CDH12: variants seen among roughly 807,000 people sequenced by gnomAD.
CDH12 encodes the protein cadherin-12.
CDH12 carries 41 observed loss-of-function variants against 74.1 expected under a neutral mutation model. The observed-to-expected ratio is 0.55, with a 90% confidence interval of 0.43 to 0.72. The LOEUF (loss-of-function observed/expected upper bound fraction) is 0.72. Ranked by LOEUF, CDH12 falls within the 30% of genes least tolerant of loss-of-function variation. CDH12 has a pLI of 0.00. For missense variants in CDH12, 945 were observed against 977.2 expected (o/e 0.97, Z 0.44); for synonymous variants, 399 against 355.0 (o/e 1.12, Z -1.39).
At chr5:22,461,765 A>G (rs908326631) in intron 2 of CDH12, among the ~76,000 whole-genome samples, 1 of 149,322 alleles carries the variant, frequency 6.7e-6, no homozygotes, top group Non-Finnish European at 1.5e-5. Flanking sequence ...ATTTACTTCA[A>G]TTGTGGTCTC....
intron 14 of CDH12, among the ~76,000 whole-genome samples, chr5:21,752,450 T>A (rs1187746786): frequency 6.6e-6 from 1 of 152,140 alleles, no homozygotes; most frequent in Admixed American, 6.5e-5. Flanking sequence ...ATTCACAAAA[T>A]GAAACAAGTA....
At chr5:21,873,484 T>C (rs867603251) in intron 6 of CDH12, among the ~76,000 whole-genome samples, 2 of 152,130 alleles carry the variant, frequency 1.3e-5, no homozygotes, top group African/African-American at 2.4e-5. Flanking sequence ...ATTGACAAGA[T>C]TGTCACAGAC....
At chr5:22,594,121 C>T (rs1736479324) in intron 1 of CDH12, among the ~76,000 whole-genome samples, 1 of 152,148 alleles carries the variant, frequency 6.6e-6, no homozygotes, top group African/African-American at 2.4e-5. Context: ...GCTTGACAAG[C>T]TAAATAACAG....
chr5:22,255,978 G>T (rs542429309), intron 3 of CDH12, among the ~76,000 whole-genome samples: 1 of 151,986 alleles, frequency 6.6e-6, no homozygotes, highest in South Asian at 2.1e-4. Context: ...AGTATACTAG[G>T]CACTGTGTAA....
chr5:21,759,910 C>T (rs1156833057), intron 13 of CDH12, among the ~76,000 whole-genome samples: 1 of 152,066 alleles, frequency 6.6e-6, no homozygotes, highest in Non-Finnish European at 1.5e-5. Context: ...TCATTGAGCT[C>T]CCACTTATAA....
intron 1 of CDH12, among the ~76,000 whole-genome samples, chr5:22,556,058 A>T (rs550716814): frequency 1.5e-4 from 15 of 102,298 alleles, no homozygotes; most frequent in Admixed American, 6.1e-4. Flanking sequence ...CTGAGAATTT[A>T]AAAAAAAAAA....
chr5:22,230,266 A>G (rs1752335564), intron 3 of CDH12, among the ~76,000 whole-genome samples: 1 of 152,094 alleles, frequency 6.6e-6, no homozygotes, highest in South Asian at 2.1e-4. Flanking sequence ...ATTACTGACA[A>G]GCTGGGAAAG....
At chr5:22,364,292 A>G (rs1740941473) in intron 3 of CDH12, among the ~76,000 whole-genome samples, 1 of 129,990 alleles carries the variant, frequency 7.7e-6, no homozygotes, top group African/African-American at 2.5e-5. Context: ...AATAGGAGCG[A>G]TGGGAAGAAA....
intron 2 of CDH12, among the ~76,000 whole-genome samples, chr5:22,478,121 T>G (rs1411349948): frequency 6.6e-6 from 1 of 152,092 alleles, no homozygotes; most frequent in Non-Finnish European, 1.5e-5. Flanking sequence ...TTAATTTTTT[T>G]GAATATTGAA....
chr5:21,896,761 C>T (rs1359438704), intron 6 of CDH12, among the ~76,000 whole-genome samples: 1 of 152,206 alleles, frequency 6.6e-6, no homozygotes, highest in African/African-American at 2.4e-5. Context: ...ACACTGCCCG[C>T]TTCCCAGATA....
chr5:22,680,212 C>T (rs773894388), intron 1 of CDH12, among the ~76,000 whole-genome samples: 17 of 152,028 alleles, frequency 1.1e-4, no homozygotes, highest in Admixed American at 3.3e-4. Flanking sequence ...ACTGTATGGC[C>T]TTGGTAAACA....
intron 2 of CDH12, among the ~76,000 whole-genome samples, chr5:22,499,259 C>G: frequency 6.6e-6 from 1 of 152,046 alleles, no homozygotes; most frequent in East Asian, 1.9e-4. Flanking sequence ...TTAGCAGATT[C>G]TGAAATATCC....
At chr5:22,127,515 A>T (rs1380359440) in intron 4 of CDH12, among the ~76,000 whole-genome samples, 1 of 151,178 alleles carries the variant, frequency 6.6e-6, no homozygotes, top group East Asian at 1.9e-4. Context: ...GGTGAAAAGA[A>T]GTAATTAAAT....
intron 4 of CDH12, among the ~76,000 whole-genome samples, chr5:22,099,991 T>A (rs542633850): frequency 6.6e-5 from 10 of 152,300 alleles, no homozygotes; most frequent in African/African-American, 2.4e-4. Flanking sequence ...TCTCCCACTC[T>A]AGGTTCCCAC....
chr5:21,803,692 T>C (rs1256846255), intron 9 of CDH12, among the ~76,000 whole-genome samples: 2 of 152,170 alleles, frequency 1.3e-5, no homozygotes, highest in African/African-American at 4.8e-5. Context: ...GAATTTAACA[T>C]TAACATGGTG....
intron 3 of CDH12, among the ~76,000 whole-genome samples, chr5:22,332,306 C>A (rs914008178): frequency 1.3e-5 from 2 of 152,108 alleles, no homozygotes; most frequent in Admixed American, 1.3e-4. Flanking sequence ...TACACCTAGG[C>A]AGCAGACTTT....
chr5:22,808,005 A>AT (rs1278891743), intron 1 of CDH12, among the ~76,000 whole-genome samples: 1 of 152,212 alleles, frequency 6.6e-6, no homozygotes, highest in East Asian at 1.9e-4. Flanking sequence ...GGATTATAGG[A>AT]TTTTTCAGCT....
chr5:21,938,560 C>T (rs930970655), intron 6 of CDH12, among the ~76,000 whole-genome samples: 23 of 149,142 alleles, frequency 1.5e-4, no homozygotes, highest in African/African-American at 5.7e-4. Flanking sequence ...CACAGAGAGA[C>T]AAGAATCAAA....
At chr5:21,808,026 C>T (rs896984386) in intron 9 of CDH12, among the ~76,000 whole-genome samples, 2 of 152,040 alleles carry the variant, frequency 1.3e-5, no homozygotes, top group Admixed American at 6.6e-5. Flanking sequence ...TGGCAAGTGG[C>T]AAGTGCTCAA....
Sources: allele counts gnomAD v4.1 joint callset (sites outside exome capture counted in the v4.1 genomes callset), GRCh38; gene constraint gnomAD v4.1.1; transcripts MANE v1.5; gene names NCBI Gene and HGNC (gene_info 2026-07-23, HGNC 2026-07-21).